Variants in ATXN10 observed in about 807,000 individuals in gnomAD.
ATXN10 encodes ataxin-10.
A neutral mutation model predicts 52.9 loss-of-function variants in ATXN10; 28 were observed. The ratio of observed to expected loss-of-function variants is 0.53; its 90% confidence interval spans 0.39 to 0.73. The LOEUF is 0.73. Among genes scored for constraint, ATXN10 ranks in the 30% least tolerant of loss-of-function variants. ATXN10 has a pLI of 0.00. For missense variants in ATXN10, 565 were observed against 577.0 expected, an observed-to-expected ratio of 0.98 and a Z score of 0.21; for synonymous variants, 226 against 221.5, an observed-to-expected ratio of 1.02 and a Z score of -0.18.
At chr22:45,742,341 G>T (rs966910426) in intron 9 of ATXN10, among the ~76,000 whole-genome samples, 1 of 152,136 alleles carries the variant, frequency 6.6e-6, no homozygotes, top group African/African-American at 2.4e-5. Context: ...AGCGGAGACT[G>T]ACTGTGAGAG....
intron 1 of ATXN10, chr22:45,674,585 T>G (rs2146719764): frequency 6.6e-6 from 1 of 152,328 alleles, no homozygotes; most frequent in East Asian, 1.9e-4. Context: ...CTTGGGGGTC[T>G]CCTCTTCAGA....
intron 9 of ATXN10, chr22:45,793,625 C>T: frequency 7.4e-7 from 1 of 1,342,694 alleles, no homozygotes. Flanking sequence ...TCAGAAGTCA[C>T]AGTCTGTTCC....
chr22:45,686,616 G>A (rs1923148373), intron 1 of ATXN10, among the ~76,000 whole-genome samples: 2 of 152,196 alleles, frequency 1.3e-5, no homozygotes, highest in Non-Finnish European at 2.9e-5. Flanking sequence ...TCAGGAGACC[G>A]AGACCAGCCT....
chr22:45,706,127 C>A (rs1165312869), intron 5 of ATXN10, among the ~76,000 whole-genome samples: 2 of 152,120 alleles, frequency 1.3e-5, no homozygotes, highest in Admixed American at 6.5e-5. Context: ...GAAAAATTGT[C>A]TTTCATGAAA....
chr22:45,716,137 T>C (rs564196080), intron 5 of ATXN10, among the ~76,000 whole-genome samples: 4 of 152,056 alleles, frequency 2.6e-5, no homozygotes, highest in Non-Finnish European at 4.4e-5. Context: ...TGGTGGCACA[T>C]GCGTGTAGTT....
intron 9 of ATXN10, chr22:45,793,831 A>C: frequency 7.7e-7 from 1 of 1,302,544 alleles, no homozygotes; most frequent in Non-Finnish European, 9.8e-7. Flanking sequence ...TTTGCCCGGG[A>C]AATAATTCAA....
At chr22:45,687,588 AT>A (rs1923196140) in intron 1 of ATXN10, among the ~76,000 whole-genome samples, 3 of 152,244 alleles carry the variant, frequency 2.0e-5, no homozygotes, top group Admixed American at 2.0e-4. Flanking sequence ...ATAGCATTAA[AT>A]AATAAATGGC....
chr22:45,707,142 C>A (rs1924073731), intron 5 of ATXN10, among the ~76,000 whole-genome samples: 1 of 151,890 alleles, frequency 6.6e-6, no homozygotes, highest in African/African-American at 2.4e-5. Context: ...TAACAATATC[C>A]TGTTTTTTAA....
At chr22:45,673,292 CA>C (rs1922548382) in intron 1 of ATXN10, 1 of 152,246 alleles carries the variant, frequency 6.6e-6, no homozygotes, top group Non-Finnish European at 1.5e-5. Context: ...ATGTACAAAG[CA>C]GAGGGAACAT....
chr22:45,776,309 A>G (rs1926953408), intron 9 of ATXN10, among the ~76,000 whole-genome samples: 1 of 152,166 alleles, frequency 6.6e-6, no homozygotes, highest in Non-Finnish European at 1.5e-5. Context: ...TTTCCATTCT[A>G]TAAAGCACTT....
At chr22:45,675,606 GC>G (rs1357787438) in intron 1 of ATXN10, 2 of 152,268 alleles carry the variant, frequency 1.3e-5, no homozygotes, top group African/African-American at 4.8e-5. Flanking sequence ...CCTTTGAACA[GC>G]CATGTGATGA....
At position 45,770,180 on chromosome 22, in the gene ATXN10, A is replaced by G. The variant is rs1926727564; in HGVS notation, c.1173+29642A>G. ...GAGGACATGAGGAACCAAAGTCAAA[A>G]GTAATTTGCCCAAACAATTTACAGC... On this transcript the variant is annotated intron_variant, in intron 9 of 11. Transcript: ENST00000252934. The surrounding 1 kb of genome is among the most constrained non-coding windows in gnomAD (Gnocchi z 4.5). 6.6e-6 allele frequency among the ~76,000 whole-genome samples: 1 copy of G among 152,242 alleles called. No individual in the cohort carries two copies. Among genetic ancestry groups the G allele is most frequent in the South Asian group, 2.1e-4 (1 of 4,832 alleles).
In ATXN10 at chr22:45,671,977, C is replaced by A; in HGVS notation, c.-87C>A. 6.9e-7 allele frequency: 1 copy of A among 1,444,798 alleles called. No individual in the cohort carries two copies. The highest frequency in any genetic ancestry group is 9.3e-7 in the Non-Finnish European group (1 of 1,071,656). 89.5% of individuals were successfully genotyped at this position (1,444,798 alleles called of 1,614,324 possible). On this transcript the variant is annotated 5_prime_UTR_variant, in exon 1 of 12. Transcript: ENST00000252934. ...AGGCCTCCCCCTTCCTCCTCGCCAT[C>A]CTACTCCTCCCTCCTCGTCATCCTC... is the stretch of plus-strand genomic sequence containing the variant.
rs1434696124 is a variant in ATXN10 at position 45,837,311 on chromosome 22, G to A, written c.1238-5680G>A. On this transcript the variant is annotated intron_variant, in intron 10 of 11. Coordinates refer to ENST00000252934, the MANE Select transcript of ATXN10 (RefSeq NM_013236.4). The surrounding 1 kb of genome is among the most constrained non-coding windows in gnomAD (Gnocchi z 5.8). ...GTCTTGCTCTGTCGCCCAGGCTGCA[G>A]TGCAGTGGCGCAATCTCGGCTCACT... 6.6e-6 allele frequency among the ~76,000 whole-genome samples: 1 copy of A among 152,156 alleles called. No individual in the cohort carries two copies. The highest frequency in any genetic ancestry group is 1.5e-5 in the Non-Finnish European group (1 of 68,026).
rs1922929781 is a variant in ATXN10, at chr22:45,681,706, T to C, written c.117-8006T>C. Among the ~76,000 whole-genome samples the C allele has an allele frequency of 6.6e-6, 1 of 152,146 alleles. No homozygotes were observed. On this transcript the variant is annotated intron_variant, in intron 1 of 11. Coordinates refer to ENST00000252934, the MANE Select transcript of ATXN10 (RefSeq NM_013236.4). The surrounding 1 kb of genome is among the most constrained non-coding windows in gnomAD (Gnocchi z 4.2). ...TACAGCCGTGCAGACTGCTCTCACT[T>C]TAACTTGCTGATCACTAACTAACGT...
At chr22:45,736,280 C>T (rs970607838) in intron 7 of ATXN10, among the ~76,000 whole-genome samples, 1 of 152,084 alleles carries the variant, frequency 6.6e-6, no homozygotes, top group African/African-American at 2.4e-5. Context: ...TGCCAGTTGC[C>T]GTGGACTGAA....
chr22:45,689,573 G>T, intron 1 of ATXN10, 139 bp from the exon 2 acceptor site: 1 of 643,100 alleles, frequency 1.6e-6, no homozygotes, highest in Non-Finnish European at 2.7e-6. Flanking sequence ...TCTTTTATTT[G>T]GTGTTGTAAA....
intron 9 of ATXN10, among the ~76,000 whole-genome samples, chr22:45,751,757 AAAAAAAAAT>A (rs1569049609): frequency 0.018 from 1,154 of 63,878 alleles, 14 homozygotes; most frequent in African/African-American, 0.058. Context: ...AAAAAAAATA[AAAAAAAAAT>A]AATAATAATA....
rs910225732 is a variant in ATXN10 at position 45,786,502 on chromosome 22, G to T, written c.1174-20457G>T. Among the ~76,000 whole-genome samples, 2 of 152,178 alleles carry T rather than the reference G, an allele frequency of 1.3e-5. No individual in the cohort carries two copies. The highest frequency in any genetic ancestry group is 2.9e-5 in the Non-Finnish European group (2 of 68,030). On this transcript the variant is annotated intron_variant, in intron 9 of 11. Coordinates refer to ENST00000252934, the MANE Select transcript of ATXN10 (RefSeq NM_013236.4). This position sits in a 1 kb window ranked among gnomAD's most constrained non-coding sequence, Gnocchi z 4.1. The stretch of plus-strand genomic sequence containing the variant: ...GCGAAGCTGGGCGCCAGTGCAGCCC[G>T]CACTTTATCACCCTTCCTGCCAGGG...
Sources: gnomAD v4.1 joint callset for allele counts (sites outside exome capture counted in the v4.1 genomes callset) on GRCh38, gnomAD v4.1.1 for gene constraint, Gnocchi (gnomAD v3.1) non-coding constraint, MANE v1.5 for transcripts, NCBI Gene and HGNC (gene_info 2026-07-23, HGNC 2026-07-21) for gene names.